DNAJC1: variants seen among roughly 807,000 people sequenced by gnomAD.
The protein encoded by DNAJC1 is dnaJ homolog subfamily C member 1.
DNAJC1 carries 58 observed loss-of-function variants against 76.6 expected under a neutral mutation model. That is an observed-to-expected ratio of 0.76 (90% CI 0.61 to 0.94). The LOEUF is 0.94. Among genes scored for constraint, DNAJC1 ranks in the 40% least tolerant of loss-of-function variants. DNAJC1 has a pLI of 0.00. For synonymous variants in DNAJC1, 258 were observed against 267.9 expected, an observed-to-expected ratio of 0.96 and a Z score of 0.36; for missense variants, 689 against 677.3, an observed-to-expected ratio of 1.02 and a Z score of -0.19.
chr10:21,999,609 C>G (rs1838484132), intron 1 of DNAJC1, among the ~76,000 whole-genome samples: 1 of 152,128 alleles, frequency 6.6e-6, no homozygotes, highest in South Asian at 2.1e-4. Context: ...CGCCTGCCAC[C>G]ACGCCTGGCT....
chr10:21,793,829 T>C (rs1174086389), intron 9 of DNAJC1, among the ~76,000 whole-genome samples: 1 of 152,120 alleles, frequency 6.6e-6, no homozygotes, highest in East Asian at 1.9e-4. Context: ...GGTCCATCCC[T>C]GTAGTCCCAG....
intron 8 of DNAJC1, among the ~76,000 whole-genome samples, chr10:21,851,855 C>A (rs1384406475): frequency 6.6e-6 from 1 of 151,878 alleles, no homozygotes; most frequent in Non-Finnish European, 1.5e-5. Flanking sequence ...GAGATCGATA[C>A]CATCCTGGCT....
intron 9 of DNAJC1, among the ~76,000 whole-genome samples, chr10:21,783,231 A>G (rs9663279): frequency 0.035 from 5,275 of 152,202 alleles, 144 homozygotes; most frequent in African/African-American, 0.067. Flanking sequence ...ATGTGCAAAA[A>G]TCACAAGCAT....
intron 8 of DNAJC1, among the ~76,000 whole-genome samples, chr10:21,860,453 G>C (rs977984598): frequency 6.6e-5 from 10 of 152,088 alleles, no homozygotes; most frequent in African/African-American, 2.4e-4. Flanking sequence ...AGCACTTTGG[G>C]AGGCTAAAGC....
intron 1 of DNAJC1, among the ~76,000 whole-genome samples, chr10:21,985,046 G>A (rs922184959): frequency 6.6e-6 from 1 of 152,044 alleles, no homozygotes; most frequent in Non-Finnish European, 1.5e-5. Flanking sequence ...ATAAAATAAC[G>A]TCTTATTTTT....
intron 1 of DNAJC1, among the ~76,000 whole-genome samples, chr10:21,931,901 T>C (rs1804805984): frequency 2.0e-5 from 3 of 152,216 alleles, no homozygotes. Flanking sequence ...ACTGGATTCA[T>C]CTGTTAGAAT....
At chr10:21,800,420 T>C (rs1423796739) in intron 9 of DNAJC1, among the ~76,000 whole-genome samples, 1 of 152,206 alleles carries the variant, frequency 6.6e-6, no homozygotes, top group Non-Finnish European at 1.5e-5. Flanking sequence ...CTTCTAGGAA[T>C]GCAATCTCTA....
chr10:21,977,796 G>C (rs1838089956), intron 1 of DNAJC1, among the ~76,000 whole-genome samples: 1 of 152,132 alleles, frequency 6.6e-6, no homozygotes, highest in East Asian at 1.9e-4. Context: ...CACCTGGATA[G>C]TGAGGGTTCC....
chr10:21,809,544 ATAT>A (rs1421276935), intron 8 of DNAJC1, among the ~76,000 whole-genome samples: 3 of 151,148 alleles, frequency 2.0e-5, no homozygotes, highest in Non-Finnish European at 4.4e-5. Context: ...ATAATATAAC[ATAT>A]TATTAGATAT....
intron 8 of DNAJC1, among the ~76,000 whole-genome samples, chr10:21,812,871 A>G (rs1834990961): frequency 6.6e-6 from 1 of 151,924 alleles, no homozygotes; most frequent in Non-Finnish European, 1.5e-5. Context: ...TCAGCCTCCA[A>G]GGTGTTCCTC....
At chr10:21,912,160 T>A (rs1051087641) in intron 6 of DNAJC1, among the ~76,000 whole-genome samples, 3 of 152,098 alleles carry the variant, frequency 2.0e-5, no homozygotes, top group Non-Finnish European at 4.4e-5. Context: ...AATTTATTCT[T>A]TTTTAGTTTT....
At chr10:21,821,294 C>T (rs1835155098) in intron 8 of DNAJC1, among the ~76,000 whole-genome samples, 1 of 151,994 alleles carries the variant, frequency 6.6e-6, no homozygotes. Context: ...GTAACAACAT[C>T]TATGTGAGTT....
intron 1 of DNAJC1, among the ~76,000 whole-genome samples, chr10:21,955,961 A>G (rs1053757574): frequency 6.6e-6 from 1 of 152,198 alleles, no homozygotes; most frequent in African/African-American, 2.4e-5. Flanking sequence ...GAAAAAACTT[A>G]TTTTACCTTC....
At chr10:21,837,694 G>GCTCAT (rs1835488556) in intron 8 of DNAJC1, among the ~76,000 whole-genome samples, 1 of 151,642 alleles carries the variant, frequency 6.6e-6, no homozygotes, top group Non-Finnish European at 1.5e-5. Context: ...CGTCTGGGAA[G>GCTCAT]TGAGGAGCCC....
chr10:21,856,441 G>A (rs1226346853), intron 8 of DNAJC1, among the ~76,000 whole-genome samples: 1 of 152,072 alleles, frequency 6.6e-6, no homozygotes, highest in East Asian at 1.9e-4. Context: ...GTAGCTGCAT[G>A]GTGGAAATAC....
intron 1 of DNAJC1, among the ~76,000 whole-genome samples, chr10:21,963,027 T>A (rs1205207251): frequency 2.0e-5 from 3 of 152,192 alleles, no homozygotes; most frequent in Non-Finnish European, 4.4e-5. Flanking sequence ...TTGAAAGACA[T>A]TCAGTTTTGT....
chr10:21,852,074 A>T (rs984735568), intron 8 of DNAJC1, among the ~76,000 whole-genome samples: 3 of 135,978 alleles, frequency 2.2e-5, no homozygotes, highest in African/African-American at 8.3e-5. Context: ...AAAATAAAAA[A>T]AATAAAAAAT....
intron 1 of DNAJC1, among the ~76,000 whole-genome samples, chr10:21,937,760 C>T (rs957438898): frequency 2.0e-5 from 3 of 152,080 alleles, no homozygotes; most frequent in African/African-American, 7.2e-5. Context: ...AATCATACTA[C>T]GTTATCTTCT....
At chr10:21,857,201 T>C (rs1015737241) in intron 8 of DNAJC1, among the ~76,000 whole-genome samples, 8 of 152,188 alleles carry the variant, frequency 5.3e-5, no homozygotes, top group Non-Finnish European at 1.5e-5. Context: ...GCCATTTTAC[T>C]TGGAAATGAA....
Sources: gnomAD v4.1 joint callset for allele counts (sites outside exome capture counted in the v4.1 genomes callset) on GRCh38, gnomAD v4.1.1 for gene constraint, MANE v1.5 for transcripts, NCBI Gene and HGNC (gene_info 2026-07-23, HGNC 2026-07-21) for gene names.